SLC29A3: variants seen among roughly 807,000 people sequenced by gnomAD.
The protein encoded by SLC29A3 is equilibrative nucleoside transporter 3.
SLC29A3 carries 18 observed loss-of-function variants against 25.4 expected under a neutral mutation model. That is an observed-to-expected ratio of 0.71 (90% CI 0.49 to 1.05). The LOEUF is 1.05. Among genes scored for constraint, SLC29A3 ranks in the 50% least tolerant of loss-of-function variants. The pLI is 0.00. For missense variants in SLC29A3, 586 were observed against 609.0 expected, an observed-to-expected ratio of 0.96 and a Z score of 0.40; for synonymous variants, 258 against 267.1, an observed-to-expected ratio of 0.97 and a Z score of 0.33.
chr10:71,345,732 C>T (rs1333350282), intron 3 of SLC29A3, among the ~76,000 whole-genome samples: 2 of 152,168 alleles, frequency 1.3e-5, no homozygotes, highest in Non-Finnish European at 2.9e-5. Flanking sequence ...CTGCGGAGAC[C>T]GCCACCCCAG....
At chr10:71,372,925 C>T (rs1254760459) in intron 3 of SLC29A3, among the ~76,000 whole-genome samples, 1 of 152,002 alleles carries the variant, frequency 6.6e-6, no homozygotes, top group African/African-American at 2.4e-5. Context: ...GGGGCGGGGG[C>T]GAGACAGTGA....
At chr10:71,361,415 A>G (rs745610310) in intron 5 of SLC29A3, among the ~76,000 whole-genome samples, 10 of 152,330 alleles carry the variant, frequency 6.6e-5, no homozygotes, top group South Asian at 4.1e-4. Context: ...TTCTGCCTCT[A>G]TCTCCCAAAG....
At chr10:71,332,170 A>T in intron 2 of SLC29A3, among the ~76,000 whole-genome samples, 1 of 106,316 alleles carries the variant, frequency 9.4e-6, no homozygotes, top group Admixed American at 1.1e-4. Flanking sequence ...TTTTTTTGAG[A>T]CACATTCTTA....
chr10:71,338,069 G>A (rs1004475609), intron 2 of SLC29A3, among the ~76,000 whole-genome samples: 4 of 152,190 alleles, frequency 2.6e-5, no homozygotes, highest in South Asian at 2.1e-4. Flanking sequence ...GTACCCTGGC[G>A]CCTGGCACCC....
intron 3 of SLC29A3, among the ~76,000 whole-genome samples, chr10:71,349,880 G>C (rs1414950967): frequency 6.6e-6 from 1 of 152,210 alleles, no homozygotes; most frequent in East Asian, 1.9e-4. Context: ...ACGATGCCCA[G>C]GGTGGGTTTT....
In SLC29A3 at chr10:71,346,504, C is replaced by T. The variant is rs7903407; in HGVS notation, c.383+2213C>T. Among the ~76,000 whole-genome samples the T allele has an allele frequency of 7.2e-3, 1,094 of 152,160 alleles. 16 individuals carry two copies. Among genetic ancestry groups the T allele is most frequent in the African/African-American group, 0.024 (1,011 of 41,498 alleles). On this transcript the variant is annotated intron_variant, in intron 3 of 5. Coordinates refer to ENST00000373189, the MANE Select transcript of SLC29A3 (RefSeq NM_018344.6). ...GCTTGAGCCCAGGAGTTTGAGAGAA[C>T]GCTGGGCACTATAGCAAGATACTGT...
At chr10:71,355,933 CTG>C (rs1156534470) in intron 4 of SLC29A3, 146 bp from the exon 5 acceptor site, 2 of 860,732 alleles carry the variant, frequency 2.3e-6, no homozygotes, top group African/African-American at 3.3e-5. Context: ...CTCCCTGTCT[CTG>C]AGGCTTCAGG....
Position 71,362,959 on chromosome 10 carries a change from C to T in SLC29A3, c.*351C>T, listed in dbSNP as rs763932995. Reference sequence around the variant, plus strand: ...AGTTATTACAAAGCCAGTGCCAAAACCCAGCCATGGGCTCTTTGCAACCTC... The same window carrying T: ...AGTTATTACAAAGCCAGTGCCAAAATCCAGCCATGGGCTCTTTGCAACCTC... On this transcript the variant is annotated 3_prime_UTR_variant, in exon 6 of 6. Coordinates refer to ENST00000373189, the MANE Select transcript of SLC29A3 (RefSeq NM_018344.6). 2.0e-6 allele frequency: 1 copy of T among 491,144 alleles called. No homozygotes were observed. The highest frequency in any genetic ancestry group is 2.3e-5 in the Admixed American group (1 of 43,542). 30.4% of individuals were successfully genotyped at this position (491,144 alleles called of 1,614,324 possible). A position where few individuals can be genotyped will look rare whatever the true frequency, so the allele number is the denominator to read the frequency against.
chr10:71,354,426 T>C (rs933105294), intron 4 of SLC29A3, among the ~76,000 whole-genome samples: 18 of 152,174 alleles, frequency 1.2e-4, no homozygotes, highest in Non-Finnish European at 2.9e-5. Context: ...CCTCAAGTAC[T>C]ACCCAGGCTA....
intron 2 of SLC29A3, among the ~76,000 whole-genome samples, chr10:71,340,912 G>A (rs541618596): frequency 1.3e-5 from 2 of 152,310 alleles, no homozygotes; most frequent in East Asian, 3.9e-4. Context: ...GGAGGGAAAG[G>A]GAAGTAGGGC....
intron 4 of SLC29A3, among the ~76,000 whole-genome samples, chr10:71,353,456 C>T (rs904866977): frequency 1.3e-5 from 2 of 152,306 alleles, no homozygotes; most frequent in Non-Finnish European, 2.9e-5. Flanking sequence ...GAGCCAGTGA[C>T]CAAACTCACC....
At chr10:71,341,366 A>T (rs951096054) in intron 2 of SLC29A3, among the ~76,000 whole-genome samples, 6 of 152,148 alleles carry the variant, frequency 3.9e-5, no homozygotes, top group Admixed American at 3.9e-4. Context: ...CGTTTCTTGA[A>T]ATCAGCACAT....
At chr10:71,339,047 C>T (rs998458512) in intron 2 of SLC29A3, among the ~76,000 whole-genome samples, 1 of 152,238 alleles carries the variant, frequency 6.6e-6, no homozygotes, top group Non-Finnish European at 1.5e-5. Flanking sequence ...CACCCGGTCT[C>T]TGCCCTGCTC....
intron 2 of SLC29A3, among the ~76,000 whole-genome samples, chr10:71,325,628 C>T (rs1032726888): frequency 6.6e-6 from 1 of 152,170 alleles, no homozygotes; most frequent in Non-Finnish European, 1.5e-5. Context: ...CCTCCCAGGG[C>T]CAGAGCAATG....
At chr10:71,326,769 ATGGCCTCTCTC>A (rs759517033) in intron 2 of SLC29A3, among the ~76,000 whole-genome samples, 43 of 152,278 alleles carry the variant, frequency 2.8e-4, no homozygotes, top group Non-Finnish European at 5.9e-4. Flanking sequence ...ACGATGCTTT[ATGGCCTCTCTC>A]CAACTGCTGG....
chr10:71,371,771 A>T (rs1847213098), intron 3 of SLC29A3, among the ~76,000 whole-genome samples: 1 of 152,222 alleles, frequency 6.6e-6, no homozygotes, highest in Admixed American at 6.5e-5. Context: ...ATTGTTGTGA[A>T]GATTAAATGA....
At chr10:71,360,121 C>T (rs1454066911) in intron 5 of SLC29A3, among the ~76,000 whole-genome samples, 2 of 146,088 alleles carry the variant, frequency 1.4e-5, no homozygotes, top group African/African-American at 5.1e-5. Flanking sequence ...CTCCAGGAAC[C>T]TGTCTTCTTC....
At chr10:71,343,767 G>A (rs1180369081) in intron 2 of SLC29A3, among the ~76,000 whole-genome samples, 1 of 152,188 alleles carries the variant, frequency 6.6e-6, no homozygotes, top group Non-Finnish European at 1.5e-5. Context: ...GGGCAACATA[G>A]CAAGACCTCG....
intron 3 of SLC29A3, among the ~76,000 whole-genome samples, chr10:71,345,917 A>G (rs1365001771): frequency 1.3e-5 from 2 of 152,204 alleles, no homozygotes; most frequent in Admixed American, 1.3e-4. Context: ...GCCCGCCCAG[A>G]GGATGTGGGG....
Sources: allele counts gnomAD v4.1 joint callset (sites outside exome capture counted in the v4.1 genomes callset), GRCh38; gene constraint gnomAD v4.1.1; transcripts MANE v1.5; gene names NCBI Gene and HGNC (gene_info 2026-07-23, HGNC 2026-07-21).